Variants in PCDH15 observed in about 807,000 individuals in gnomAD.
The protein encoded by PCDH15 is protocadherin related 15.
Under a neutral mutation model 178.5 loss-of-function variants are expected in PCDH15, and 129 were observed. That is an observed-to-expected ratio of 0.72 (90% confidence interval 0.63 to 0.84). The LOEUF (loss-of-function observed/expected upper bound fraction) is 0.84. Ranked by LOEUF, PCDH15 falls within the 40% of genes least tolerant of loss-of-function variation. The probability of loss-of-function intolerance (pLI) is 0.00; values close to 1 mark genes in which losing one functional copy is unlikely to be tolerated. For missense variants in PCDH15, 2,230 were observed against 2,099.9 expected, an observed-to-expected ratio of 1.06 and a Z score of -1.21; for synonymous variants, 800 against 732.0, an observed-to-expected ratio of 1.09 and a Z score of -1.50.
chr10:53,921,551 C>T (rs1041900378), intron 25 of PCDH15, among the ~76,000 whole-genome samples: 15 of 152,138 alleles, frequency 9.9e-5, no homozygotes, highest in African/African-American at 3.4e-4. Flanking sequence ...GGATACACAG[C>T]TCAAGCCAGG....
chr10:55,481,386 T>G (rs1022955387), intron 2 of PCDH15, among the ~76,000 whole-genome samples: 1 of 151,782 alleles, frequency 6.6e-6, no homozygotes, highest in Non-Finnish European at 1.5e-5. Context: ...CTTTGGGATT[T>G]GTTTAGTATT....
rs867765315 is a variant in PCDH15, at chr10:54,198,489, A to G, written c.1099-2600T>C. ...TCTCTCCATCTTTCTTTAATATCTA[A>G]TTATTCTTTTTTTTTTTTTTTTTTT... On this transcript the variant is annotated intron_variant, in intron 10 of 37. Transcript: ENST00000644397. Among the ~76,000 whole-genome samples, 177 of 54,692 alleles carry G rather than the reference A, an allele frequency of 3.2e-3. 10 individuals carry two copies. Among genetic ancestry groups the G allele is most frequent in the African/African-American group, 0.023 (171 of 7,346 alleles). 35.9% of individuals were successfully genotyped at this position (54,692 alleles called of 152,430 possible). A position where few individuals can be genotyped will look rare whatever the true frequency, so the allele number is the denominator to read the frequency against.
At chr10:54,332,368 A>ATATATTATAT (rs1316014451) in intron 6 of PCDH15, among the ~76,000 whole-genome samples, 2 of 97,428 alleles carry the variant, frequency 2.1e-5, no homozygotes, top group Non-Finnish European at 2.1e-5. Context: ...AATCTATATT[A>ATATATTATAT]TATATATAAT....
chr10:54,183,392 G>T, intron 13 of PCDH15, 52 bp downstream of exon 13: 2 of 1,497,090 alleles, frequency 1.3e-6, no homozygotes, highest in Non-Finnish European at 1.9e-6. Flanking sequence ...ATCGTATAAT[G>T]CACATGTAAA....
At chr10:55,014,097 C>T (rs1840112816) in intron 2 of PCDH15, among the ~76,000 whole-genome samples, 1 of 152,006 alleles carries the variant, frequency 6.6e-6, no homozygotes, top group African/African-American at 2.4e-5. Flanking sequence ...TGTATACTAT[C>T]ATTAAAATAT....
intron 2 of PCDH15, among the ~76,000 whole-genome samples, chr10:55,499,404 TACACACACACACACACACAC>T (rs200878607): frequency 2.9e-5 from 4 of 136,388 alleles, no homozygotes; most frequent in South Asian, 2.5e-4. Context: ...AGACTCTCCC[TACACACACACACACACACAC>T]ACACACACAC....
At chr10:54,627,127 CT>C (rs1226871025) in intron 2 of PCDH15, among the ~76,000 whole-genome samples, 1 of 152,154 alleles carries the variant, frequency 6.6e-6, no homozygotes, top group African/African-American at 2.4e-5. Context: ...AAGTAACTTG[CT>C]TTTGATTTTA....
intron 2 of PCDH15, among the ~76,000 whole-genome samples, chr10:54,585,181 TAG>T (rs5785087): frequency 0.8 from 120,796 of 151,784 alleles, 48,264 homozygotes; most frequent in East Asian, 0.84. Flanking sequence ...CCTAAAGGTT[TAG>T]ATTAAATAAA....
chr10:54,361,757 A>C (rs1264562223), intron 5 of PCDH15, among the ~76,000 whole-genome samples: 1 of 152,084 alleles, frequency 6.6e-6, no homozygotes, highest in Non-Finnish European at 1.5e-5. Context: ...ATTTATTCAT[A>C]TTAATGGTCT....
intron 3 of PCDH15, among the ~76,000 whole-genome samples, chr10:54,853,302 T>TATA (rs1411364103): frequency 2.9e-5 from 3 of 105,036 alleles, no homozygotes; most frequent in African/African-American, 4.1e-5. Context: ...TATATATATA[T>TATA]ATATATATAT....
intron 3 of PCDH15, among the ~76,000 whole-genome samples, chr10:54,849,828 C>T (rs1409002808): frequency 1.3e-5 from 2 of 152,058 alleles, no homozygotes; most frequent in Non-Finnish European, 2.9e-5. Context: ...ATCTTTGAAT[C>T]TTTAATATTT....
At chr10:53,939,064 C>G (rs2085827564) in intron 24 of PCDH15, 109 bp from the exon 25 acceptor site, 1 of 1,078,390 alleles carries the variant, frequency 9.3e-7, no homozygotes, top group Non-Finnish European at 1.4e-6. Context: ...CTATTTATAA[C>G]TAGAGTGATG....
chr10:54,476,379 A>C (rs1420463001), intron 3 of PCDH15, among the ~76,000 whole-genome samples: 1 of 152,100 alleles, frequency 6.6e-6, no homozygotes, highest in Admixed American at 6.6e-5. Flanking sequence ...AGATTATCTA[A>C]TGGATTAAGA....
intron 3 of PCDH15, among the ~76,000 whole-genome samples, chr10:54,851,617 T>C (rs940204691): frequency 4.6e-5 from 7 of 152,160 alleles, no homozygotes; most frequent in African/African-American, 1.7e-4. Context: ...CATTTTGAAA[T>C]GGAGTCTCCC....
chr10:53,867,106 C>A (rs1334458387), intron 26 of PCDH15, among the ~76,000 whole-genome samples: 1 of 152,068 alleles, frequency 6.6e-6, no homozygotes, highest in Non-Finnish European at 1.5e-5. Context: ...AGGTATAATT[C>A]TGTACCCTTT....
chr10:54,190,183 T>C (rs183625354), intron 11 of PCDH15, among the ~76,000 whole-genome samples: 1 of 152,210 alleles, frequency 6.6e-6, no homozygotes, highest in East Asian at 1.9e-4. Context: ...TTTACGCAAA[T>C]GGATCCAAAC....
intron 3 of PCDH15, among the ~76,000 whole-genome samples, chr10:54,853,888 T>TA (rs2131771281): frequency 6.6e-6 from 1 of 152,300 alleles, no homozygotes; most frequent in South Asian, 2.1e-4. Flanking sequence ...GTGTTGTTTT[T>TA]ATGGCCAGAA....
intron 25 of PCDH15, among the ~76,000 whole-genome samples, chr10:53,925,338 T>C (rs1202119609): frequency 6.6e-6 from 1 of 151,118 alleles, no homozygotes; most frequent in East Asian, 1.9e-4. Context: ...CTGTAACGCT[T>C]ACCGCGAAGG....
chr10:54,430,269 G>A (rs908798592), intron 3 of PCDH15, among the ~76,000 whole-genome samples: 9 of 149,664 alleles, frequency 6.0e-5, no homozygotes, highest in African/African-American at 2.0e-4. Context: ...TTGGTCAGGT[G>A]GTCTTGAACT....
Sources: gnomAD v4.1 joint callset for allele counts (sites outside exome capture counted in the v4.1 genomes callset) on GRCh38, gnomAD v4.1.1 for gene constraint, MANE v1.5 for transcripts, NCBI Gene and HGNC (gene_info 2026-07-23, HGNC 2026-07-21) for gene names.